The following CPNE3 variants were observed in gnomAD, a reference collection of about 807,000 sequenced individuals.
CPNE3 encodes copine 3.
CPNE3 carries 68 observed loss-of-function variants against 63.9 expected under a neutral mutation model. That is an observed-to-expected ratio of 1.06 (90% CI 0.87 to 1.30). The LOEUF (loss-of-function observed/expected upper bound fraction) is 1.30, where lower values mean the gene tolerates loss of function less well. CPNE3 is among the 50% of genes most tolerant of loss of function. The probability of loss-of-function intolerance (pLI) is 0.00; values close to 1 mark genes in which losing one functional copy is unlikely to be tolerated. For synonymous variants in CPNE3, 219 were observed against 197.5 expected, an observed-to-expected ratio of 1.11 and a Z score of -0.91; for missense variants, 665 against 578.1, an observed-to-expected ratio of 1.15 and a Z score of -1.54.
intron 2 of CPNE3, among the ~76,000 whole-genome samples, chr8:86,526,313 G>T (rs1563686647): frequency 6.6e-6 from 1 of 151,964 alleles, no homozygotes; most frequent in Non-Finnish European, 1.5e-5. Context: ...AGTGCAATAG[G>T]AATTCAAAGG....
intron 9 of CPNE3, 102 bp from the exon 10 acceptor site, chr8:86,546,493 G>C: frequency 8.7e-7 from 1 of 1,155,254 alleles, no homozygotes; most frequent in Non-Finnish European, 1.3e-6. Flanking sequence ...TACATCAGTA[G>C]GTAGTTTGAT....
rs757638645 is a variant in CPNE3 at position 86,546,602 on chromosome 8, T to A, written c.740T>A (p.Phe247Tyr). Residue 247 changes from phenylalanine to tyrosine, a missense_variant, in exon 10 of 17, where the codon TTT becomes TAT. Transcript: ENST00000517490. ...TGTCTTCTCTTCCTACAGGTTGAAT[T>A]TGAATGCATAAATGAGAAAAAAAGG... ...KEASRSSPVE[F>Y]ECINEKKRQK... 6.2e-7 allele frequency: 1 copy of A among 1,613,114 alleles called. No individual in the cohort carries two copies. The highest frequency in any genetic ancestry group is 1.1e-5 in the South Asian group (1 of 90,778).
chr8:86,536,789 C>G (rs1441076231), intron 6 of CPNE3, among the ~76,000 whole-genome samples: 1 of 152,226 alleles, frequency 6.6e-6, no homozygotes, highest in African/African-American at 2.4e-5. Flanking sequence ...AGTCTTACCA[C>G]CTGAGTTTAA....
intron 16 of CPNE3, among the ~76,000 whole-genome samples, chr8:86,557,370 A>G (rs1821346698): frequency 6.6e-6 from 1 of 152,112 alleles, no homozygotes; most frequent in Non-Finnish European, 1.5e-5. Flanking sequence ...TCCTGGCCTC[A>G]AGTGATCCAC....
At chr8:86,520,307 G>T (rs547614242) in intron 2 of CPNE3, among the ~76,000 whole-genome samples, 1 of 152,230 alleles carries the variant, frequency 6.6e-6, no homozygotes, top group South Asian at 2.1e-4. Flanking sequence ...CATTTTGGGA[G>T]GCCAAGGTGG....
rs1821391423 is a variant in CPNE3 at position 86,559,527 on chromosome 8, T to A, written c.*1117T>A. On this transcript the variant is annotated 3_prime_UTR_variant, in exon 17 of 17. Transcript: ENST00000517490. Reference sequence around the variant, plus strand: ...TACAATTTAATAATGTGATATTTCCTATGTCTACAGCATACCTTATTAGGT... The same window carrying A: ...TACAATTTAATAATGTGATATTTCCAATGTCTACAGCATACCTTATTAGGT... The A allele has an allele frequency of 1.3e-5, 2 of 152,304 alleles. No homozygotes were observed. The highest frequency in any genetic ancestry group is 2.9e-5 in the Non-Finnish European group (2 of 68,020). The allele number at this position is 152,304 out of a possible 1,614,324, so 9.4% of individuals were successfully genotyped here. A position where few individuals can be genotyped will look rare whatever the true frequency, so the allele number is the denominator to read the frequency against.
chr8:86,526,385 G>A (rs1438453614), intron 2 of CPNE3, among the ~76,000 whole-genome samples: 1 of 152,016 alleles, frequency 6.6e-6, no homozygotes, highest in Non-Finnish European at 1.5e-5. Context: ...AAAAAAATAT[G>A]AAACATGGGA....
chr8:86,534,321 G>A (rs1820753414), intron 6 of CPNE3, among the ~76,000 whole-genome samples: 1 of 152,038 alleles, frequency 6.6e-6, no homozygotes, highest in African/African-American at 2.4e-5. Flanking sequence ...GTGTTTTCGG[G>A]AAGTTTGTGA....
chr8:86,525,983 T>C (rs1462610376), intron 2 of CPNE3, among the ~76,000 whole-genome samples: 1 of 152,190 alleles, frequency 6.6e-6, no homozygotes. Flanking sequence ...GATTTACAAA[T>C]TTACTTGCAT....
chr8:86,541,854 AT>A (rs1392768257), intron 8 of CPNE3, among the ~76,000 whole-genome samples: 1 of 152,176 alleles, frequency 6.6e-6, no homozygotes, highest in East Asian at 1.9e-4. Flanking sequence ...ATAGTTGAAA[AT>A]TAGCTATAAA....
intron 5 of CPNE3, among the ~76,000 whole-genome samples, chr8:86,532,136 T>C (rs1820697038): frequency 6.6e-6 from 1 of 152,226 alleles, no homozygotes; most frequent in African/African-American, 2.4e-5. Context: ...ATAATATCAA[T>C]GTATAGAGTA....
intron 2 of CPNE3, among the ~76,000 whole-genome samples, chr8:86,520,088 G>A (rs762459908): frequency 7.0e-6 from 1 of 142,904 alleles, no homozygotes; most frequent in Admixed American, 6.9e-5. Flanking sequence ...TCTCCTTTTT[G>A]TACTTATAAA....
At chr8:86,529,171 A>C in intron 4 of CPNE3, 47 bp downstream of exon 4, 4 of 1,509,702 alleles carry the variant, frequency 2.6e-6, no homozygotes, top group Non-Finnish European at 3.6e-6. Context: ...AATTTTAATC[A>C]ATGAATTTGG....
chr8:86,528,150 G>T (rs889917371), intron 2 of CPNE3, among the ~76,000 whole-genome samples: 1 of 151,584 alleles, frequency 6.6e-6, no homozygotes, highest in African/African-American at 2.4e-5. Context: ...AGGTCTTGCT[G>T]TCTTGCCCAT....
chr8:86,522,547 G>GTTTTTT (rs1563684952), intron 2 of CPNE3, among the ~76,000 whole-genome samples: 1 of 69,916 alleles, frequency 1.4e-5, no homozygotes, highest in Non-Finnish European at 3.2e-5. Flanking sequence ...GACGCCCGCT[G>GTTTTTT]CTTTTTTTTT....
chr8:86,547,868 A>C (rs141634237), intron 11 of CPNE3, 98 bp downstream of exon 11: 89 of 713,126 alleles, frequency 1.2e-4, no homozygotes, highest in African/African-American at 1.2e-3. Flanking sequence ...AAATTTTCAC[A>C]ATCTGTTTAG....
At chr8:86,521,357 G>A (rs901111843) in intron 2 of CPNE3, among the ~76,000 whole-genome samples, 5 of 152,106 alleles carry the variant, frequency 3.3e-5, no homozygotes, top group East Asian at 1.9e-4. Context: ...TTCTGGTTAC[G>A]TTTGTTTAAG....
chr8:86,560,569 T>C lies in CPNE3; in HGVS notation c.*2159T>C, dbSNP rs1821417300. The C allele has an allele frequency of 6.8e-6, 1 of 146,160 alleles. No homozygotes were observed. Among genetic ancestry groups the C allele is most frequent in the East Asian group, 2.0e-4 (1 of 4,970 alleles). 9.1% of individuals were successfully genotyped at this position (146,160 alleles called of 1,614,324 possible). A position where few individuals can be genotyped will look rare whatever the true frequency, so the allele number is the denominator to read the frequency against. On this transcript the variant is annotated 3_prime_UTR_variant, in exon 17 of 17. Coordinates refer to ENST00000517490, the MANE Select transcript of CPNE3 (RefSeq NM_003909.5). ...TCTTCATTATTTTATATTCTGATTT[T>C]ATCAGAATTATTCTATTTTAAAATT...
intron 9 of CPNE3, 104 bp downstream of exon 9, chr8:86,544,942 A>G: frequency 1.8e-6 from 1 of 556,448 alleles, no homozygotes; most frequent in Non-Finnish European, 3.1e-6. Context: ...CTATGCTTTT[A>G]GTCTATATTG....
Sources: gnomAD v4.1 joint callset for allele counts (sites outside exome capture counted in the v4.1 genomes callset) on GRCh38, gnomAD v4.1.1 for gene constraint, MANE v1.5 for transcripts, NCBI Gene and HGNC (gene_info 2026-07-23, HGNC 2026-07-21) for gene names.